Variants in TJP2 observed in about 807,000 individuals in gnomAD.
TJP2 encodes the protein Friedreich ataxia region gene X104 (tight junction protein ZO-2).
In TJP2, 91 loss-of-function variants were observed where a neutral mutation model predicts 133.1. That is an observed-to-expected ratio of 0.68 (90% CI 0.58 to 0.81). The LOEUF is 0.81. Ranked by LOEUF, TJP2 falls within the 40% of genes least tolerant of loss-of-function variation. TJP2 has a pLI of 0.00. For missense variants in TJP2, 1,541 were observed against 1,565.6 expected (o/e 0.98, Z 0.26); for synonymous variants, 592 against 583.4 (o/e 1.01, Z -0.21).
At position 69,221,219 on chromosome 9, in the gene TJP2, G is replaced by A. The variant is rs1272564517; in HGVS notation, c.675G>A (p.Leu225=). ...GTGGCCGGAGCCTGGAGCGGGGCCT[G>A]GACCACGACTTTGGGCCATCCCGGG... ...RSRGRSLERG[L]DHDFGPSRDR... Residue 225 remains leucine, a synonymous_variant, in exon 5 of 23, where the codon CTG becomes CTA. Transcript: ENST00000377245. The A allele has an allele frequency of 6.2e-7, 1 of 1,604,962 alleles. No individual in the cohort carries two copies. The highest frequency in any genetic ancestry group is 1.3e-5 in the African/African-American group (1 of 74,790).
intron 2 of TJP2, among the ~76,000 whole-genome samples, chr9:69,215,884 A>G (rs1220225602): frequency 1.3e-5 from 2 of 152,206 alleles, no homozygotes; most frequent in African/African-American, 4.8e-5. Flanking sequence ...GCCTAGCAAC[A>G]GATCAAAACT....
chr9:69,244,482 A>G (rs1412044595), intron 17 of TJP2, among the ~76,000 whole-genome samples: 1 of 152,132 alleles, frequency 6.6e-6, no homozygotes, highest in Non-Finnish European at 1.5e-5. Flanking sequence ...AGTATTCCCA[A>G]CTAAGGCAGT....
At chr9:69,228,445 C>T (rs1473157837) in intron 9 of TJP2, among the ~76,000 whole-genome samples, 1 of 152,134 alleles carries the variant, frequency 6.6e-6, no homozygotes, top group Non-Finnish European at 1.5e-5. Flanking sequence ...AGTTGTACCC[C>T]AAACCTCAGC....
chr9:69,163,870 C>T (rs1400270392), intron 2 of TJP2, among the ~76,000 whole-genome samples: 2 of 152,106 alleles, frequency 1.3e-5, no homozygotes, highest in African/African-American at 4.8e-5. Context: ...AATGATGTCC[C>T]TTTAGCAGAA....
At chr9:69,185,892 T>C (rs1167635809) in intron 1 of TJP2, among the ~76,000 whole-genome samples, 2 of 151,370 alleles carry the variant, frequency 1.3e-5, no homozygotes, top group Non-Finnish European at 2.9e-5. Context: ...TTTTTTTTTT[T>C]TTTTCTTTTT....
At chr9:69,165,561 A>G (rs1391379741) in intron 2 of TJP2, among the ~76,000 whole-genome samples, 1 of 152,206 alleles carries the variant, frequency 6.6e-6, no homozygotes, top group Non-Finnish European at 1.5e-5. Context: ...ATGACTTAGT[A>G]TAGTATATGA....
rs71354318 is a variant in TJP2, at chr9:69,156,523, A to ATT, written c.-10+4777_-10+4778dup. ...TAATACATCAATCAATACATGTAAG[A>ATT]TTTTTTTTTTTTTTTTTTTTTTTTT... On this transcript the variant is annotated intron_variant, in intron 2 of 5. Coordinates refer to the TJP2 transcript ENST00000423935. Among the ~76,000 whole-genome samples the ATT allele has an allele frequency of 2.6e-3, 211 of 81,160 alleles. 4 individuals carry two copies. Among genetic ancestry groups the ATT allele is most frequent in the African/African-American group, 0.01 (192 of 18,686 alleles). 53.2% of individuals were successfully genotyped at this position (81,160 alleles called of 152,430 possible).
At chr9:69,208,581 T>A (rs147955604) in intron 1 of TJP2, among the ~76,000 whole-genome samples, 64 of 152,344 alleles carry the variant, frequency 4.2e-4, no homozygotes, top group African/African-American at 1.4e-3. Context: ...TTTGGCTAAA[T>A]GATAAACAAA....
chr9:69,240,378 T>G (rs1235632145), intron 17 of TJP2, among the ~76,000 whole-genome samples: 1 of 152,174 alleles, frequency 6.6e-6, no homozygotes, highest in Non-Finnish European at 1.5e-5. Flanking sequence ...TGGTAATAAT[T>G]AGCTATTTTG....
At position 69,197,704 on chromosome 9, in the gene TJP2, A is replaced by G. The variant is rs1404563270; in HGVS notation, c.61-14844A>G. ...TACTTTATTCAGTTCTCAGAATTCT[A>G]ATAGGGTAGGGATCTTGACCTCATT... On this transcript the variant is annotated intron_variant, in intron 1 of 22. Coordinates refer to ENST00000377245, the MANE Select transcript of TJP2 (RefSeq NM_004817.4). Among the ~76,000 whole-genome samples, 6 of 151,644 alleles carry G rather than the reference A, an allele frequency of 4.0e-5. No homozygotes were observed. The East Asian group carries it at 7.7e-4, about 19-fold the overall frequency.
Position 69,221,242 on chromosome 9 carries a change from G to C in TJP2, c.698G>C (p.Arg233Pro). ...RGLDHDFGPS[R>P]DRDRDRSRGR... The stretch of plus-strand genomic sequence containing the variant: ...CTGGACCACGACTTTGGGCCATCCC[G>C]GGACCGGGACCGTGACCGCAGCCGC... The change falls in exon 5 of 23, where the codon CGG becomes CCG. Residue 233 changes from arginine (R) to proline (P), a missense_variant. Arg to Pro is a moderately radical substitution (Grantham distance 103). Coordinates refer to ENST00000377245, the MANE Select transcript of TJP2 (RefSeq NM_004817.4). 1 of 1,607,412 alleles carries C rather than the reference G, an allele frequency of 6.2e-7. No homozygotes were observed. The highest frequency in any genetic ancestry group is 8.5e-7 in the Non-Finnish European group (1 of 1,177,414).
rs374830612 is a variant in TJP2 at position 69,248,042 on chromosome 9, C to G, written c.2698C>G (p.Arg900Gly). 3 of 1,613,138 alleles carry G rather than the reference C, an allele frequency of 1.9e-6. No homozygotes were observed. The highest frequency in any genetic ancestry group is 2.5e-6 in the Non-Finnish European group (3 of 1,179,352). ...AGGGATGGATGATGACCCCGAAGAC[C>G]GCATGTCCTACTTAACCGCCATGGG... ...MEGMDDDPED[R>G]MSYLTAMGAD... The change falls in exon 19 of 23, where the codon CGC becomes GGC. Residue 900 changes from arginine to glycine, a missense_variant. By Grantham distance (125) the Arg-to-Gly change is moderately radical. Coordinates refer to ENST00000377245, the MANE Select transcript of TJP2 (RefSeq NM_004817.4).
In TJP2 at chr9:69,237,827, A is replaced by T. The variant is rs768114002; in HGVS notation, c.2180-51A>T. The T allele has an allele frequency of 3.8e-6, 5 of 1,317,812 alleles. No individual in the cohort carries two copies. In the Admixed American group the frequency reaches 6.7e-5, roughly 18 times the overall value. The allele number at this position is 1,317,812 out of a possible 1,614,324, so 81.6% of individuals were successfully genotyped here. A position where few individuals can be genotyped will look rare whatever the true frequency, so the allele number is the denominator to read the frequency against. ...CCATACAATACTTTTACTGCTTATCATAACAGCTAGGCAAGTGTGTATGCT... is the reference window on the plus strand; with the variant it reads ...CCATACAATACTTTTACTGCTTATCTTAACAGCTAGGCAAGTGTGTATGCT... On this transcript the variant is annotated intron_variant, in intron 14 of 22. Coordinates refer to ENST00000377245, the MANE Select transcript of TJP2 (RefSeq NM_004817.4).
upstream of TJP2, chr9:69,174,147 C>T (rs1296956175): frequency 2.4e-6 from 3 of 1,261,846 alleles, no homozygotes; most frequent in Admixed American, 1.3e-4. Context: ...TGACAGTTTC[C>T]CGGGCCGGGC....
intron 1 of TJP2, among the ~76,000 whole-genome samples, chr9:69,185,709 T>G (rs1208520114): frequency 1.3e-5 from 2 of 152,148 alleles, no homozygotes; most frequent in Non-Finnish European, 2.9e-5. Flanking sequence ...GGGGTTACTT[T>G]TTTCCCTGTC....
chr9:69,242,914 AG>A (rs547860568), intron 17 of TJP2, among the ~76,000 whole-genome samples: 3 of 152,330 alleles, frequency 2.0e-5, no homozygotes, highest in South Asian at 2.1e-4. Flanking sequence ...CCCAAGCTAG[AG>A]TGCAGTGGCA....
At position 69,218,228 on chromosome 9, in the gene TJP2, C is replaced by T. The variant is rs778878539; in HGVS notation, c.240-29C>T. ...TTACAATGAATAGATGGGAGTTTTT[C>T]ATGACCCATTTTTATTTCTTGTTTA... On this transcript the variant is annotated intron_variant, in intron 3 of 22. Transcript: ENST00000377245. The T allele has an allele frequency of 4.8e-5, 74 of 1,545,066 alleles. 1 individual carries two copies. The highest frequency in any genetic ancestry group is 9.0e-6 in the Non-Finnish European group (10 of 1,117,302).
chr9:69,216,251 T>C (rs2133237358), intron 2 of TJP2, 88 bp from the exon 3 acceptor site: 1 of 1,524,760 alleles, frequency 6.6e-7, no homozygotes, highest in Non-Finnish European at 9.0e-7. Context: ...TGGTTATTGA[T>C]TTGACCTTTA....
chr9:69,185,600 T>A (rs965427571), intron 1 of TJP2, among the ~76,000 whole-genome samples: 1 of 152,242 alleles, frequency 6.6e-6, no homozygotes, highest in African/African-American at 2.4e-5. Context: ...GCTGCTTTAA[T>A]GTATAATTTT....
Sources: allele counts gnomAD v4.1 joint callset (sites outside exome capture counted in the v4.1 genomes callset), GRCh38; gene constraint gnomAD v4.1.1; transcripts MANE v1.5; gene names NCBI Gene and HGNC (gene_info 2026-07-23, HGNC 2026-07-21).